Variants in FKBP3 observed in about 807,000 individuals in gnomAD.
The protein encoded by FKBP3 is FKBP prolyl isomerase 3.
Under a neutral mutation model 30.6 loss-of-function variants are expected in FKBP3, and 21 were observed. The ratio of observed to expected loss-of-function variants is 0.69; its 90% CI spans 0.49 to 0.99. The LOEUF is 0.99. Ranked by LOEUF, FKBP3 falls within the 50% of genes least tolerant of loss-of-function variation. FKBP3 has a pLI of 0.00. For synonymous variants in FKBP3, 82 were observed against 91.3 expected, an observed-to-expected ratio of 0.90 and a Z score of 0.58; for missense variants, 283 against 261.6, an observed-to-expected ratio of 1.08 and a Z score of -0.56.
chr14:45,121,383 G>C (rs1884980899), intron 4 of FKBP3, 102 bp downstream of exon 4: 1 of 892,132 alleles, frequency 1.1e-6, no homozygotes, highest in Non-Finnish European at 1.7e-6. Context: ...GATGAAAGTA[G>C]GTGACAGTCA....
At chr14:45,130,615 A>T in intron 2 of FKBP3, 84 bp downstream of exon 2, 1 of 798,364 alleles carries the variant, frequency 1.3e-6, no homozygotes, top group East Asian at 2.7e-5. Flanking sequence ...CAACACATTC[A>T]ACAAATCAAT....
At chr14:45,126,417 G>C (rs1344485661) in intron 3 of FKBP3, among the ~76,000 whole-genome samples, 1 of 151,642 alleles carries the variant, frequency 6.6e-6, no homozygotes, top group Non-Finnish European at 1.5e-5. Context: ...GAACCCGGGA[G>C]GCGGAGGTTG....
At chr14:45,134,251 G>C in intron 1 of FKBP3, 98 bp downstream of exon 1, 3 of 1,010,264 alleles carry the variant, frequency 3.0e-6, no homozygotes, top group South Asian at 3.1e-5. Context: ...GGGAAGACGA[G>C]GGCGGGGGCA....
At position 45,124,372 on chromosome 14, in the gene FKBP3, A is replaced by G. The variant is rs143085444; in HGVS notation, c.319-2752T>C. On this transcript the variant is annotated intron_variant, in intron 3 of 6. Transcript: ENST00000396062. ...ATGGTGAAACCCTCATCTCTACTAA[A>G]AATACAAAAATTAGCTGGGCATGGT... Among the ~76,000 whole-genome samples, 861 of 152,166 alleles carry G rather than the reference A, an allele frequency of 5.7e-3. 5 individuals are homozygous for G. Among genetic ancestry groups the G allele is most frequent in the African/African-American group, 0.018 (755 of 41,512 alleles).
chr14:45,119,920 G>A (rs1020944077), intron 5 of FKBP3, among the ~76,000 whole-genome samples: 15 of 151,830 alleles, frequency 9.9e-5, no homozygotes, highest in African/African-American at 3.1e-4. Context: ...TCTCCTGACC[G>A]ACCTTGTGAT....
chr14:45,123,103 G>C (rs1346149013), intron 3 of FKBP3, among the ~76,000 whole-genome samples: 1 of 150,360 alleles, frequency 6.7e-6, no homozygotes, highest in Non-Finnish European at 1.5e-5. Flanking sequence ...AGAGTCAGGA[G>C]AATCACTTGA....
chr14:45,119,279 T>C (rs763620520), intron 5 of FKBP3, among the ~76,000 whole-genome samples: 11 of 152,146 alleles, frequency 7.2e-5, no homozygotes, highest in Non-Finnish European at 1.6e-4. Flanking sequence ...AATAAGAATA[T>C]GGTAGACTAG....
rs367561930 is a variant in FKBP3, at chr14:45,119,663, T to C, written c.522+1224A>G. 1.4e-4 allele frequency among the ~76,000 whole-genome samples: 21 copies of C among 152,122 alleles called. No individual in the cohort carries two copies. The East Asian group carries it at 3.7e-3, about 27-fold the overall frequency. ...TGGCCCAATTTGATAATATACTTGC[T>C]ATCAACTTGGTACGGGCAGGTAACA... On this transcript the variant is annotated intron_variant, in intron 5 of 6. Transcript: ENST00000396062.
chr14:45,124,555 A>AT (rs962736908), intron 3 of FKBP3, among the ~76,000 whole-genome samples: 9 of 150,074 alleles, frequency 6.0e-5, no homozygotes, highest in East Asian at 1.9e-4. Flanking sequence ...ATATATATAT[A>AT]TTTTTTTTTC....
Position 45,115,867 on chromosome 14 carries a change from A to C in FKBP3, c.*331T>G, listed in dbSNP as rs1302191169. On this transcript the variant is annotated 3_prime_UTR_variant, in exon 7 of 7. Coordinates refer to ENST00000396062, the MANE Select transcript of FKBP3 (RefSeq NM_002013.4). Reference sequence around the variant, plus strand: ...TTAGTTCCAATTCCCTAATCAGAACAATAATATATTAACACCAAACAAATC... The same window carrying C: ...TTAGTTCCAATTCCCTAATCAGAACCATAATATATTAACACCAAACAAATC... The C allele has an allele frequency of 4.8e-6, 1 of 207,956 alleles. No individual in the cohort carries two copies. The highest frequency in any genetic ancestry group is 5.1e-5 in the Admixed American group (1 of 19,526). 12.9% of individuals were successfully genotyped at this position (207,956 alleles called of 1,614,324 possible).
chr14:45,133,224 T>G (rs1885262861), intron 1 of FKBP3: 1 of 158,180 alleles, frequency 6.3e-6, no homozygotes, highest in Non-Finnish European at 1.4e-5. Context: ...TCCCAGCACT[T>G]TGGGAGGCCG....
chr14:45,129,146 C>G (rs1885162616), intron 3 of FKBP3, among the ~76,000 whole-genome samples: 1 of 152,168 alleles, frequency 6.6e-6, no homozygotes, highest in Non-Finnish European at 1.5e-5. Context: ...TTTACAAGAA[C>G]TAAAAATAGA....
rs1884815417 is a variant in FKBP3, at chr14:45,115,650, T to G, written c.*548A>C. ...GGATCAATTAGTAATATTAACCTTATGTTCACCTTTATTAGTGGCTCATTG... is the reference window on the plus strand; with the variant it reads ...GGATCAATTAGTAATATTAACCTTAGGTTCACCTTTATTAGTGGCTCATTG... On this transcript the variant is annotated 3_prime_UTR_variant, in exon 7 of 7. Coordinates refer to ENST00000396062, the MANE Select transcript of FKBP3 (RefSeq NM_002013.4). 1 of 152,614 alleles carries G rather than the reference T, an allele frequency of 6.6e-6. No individual in the cohort carries two copies. Among genetic ancestry groups the G allele is most frequent in the Non-Finnish European group, 1.5e-5 (1 of 68,070 alleles). 9.5% of individuals were successfully genotyped at this position (152,614 alleles called of 1,614,324 possible).
chr14:45,133,463 T>A (rs370933432), intron 1 of FKBP3: 1 of 161,940 alleles, frequency 6.2e-6, no homozygotes, highest in African/African-American at 2.4e-5. Context: ...AGAGACTCCG[T>A]CTCAAACAAA....
At chr14:45,116,470 G>GGC (rs1335090577) in intron 6 of FKBP3, among the ~76,000 whole-genome samples, 2 of 151,876 alleles carry the variant, frequency 1.3e-5, no homozygotes, top group Non-Finnish European at 2.9e-5. Flanking sequence ...CTAGCTGGGG[G>GGC]GGGGTGGAAC....
intron 3 of FKBP3, among the ~76,000 whole-genome samples, chr14:45,123,006 A>G (rs1885017681): frequency 6.6e-6 from 1 of 151,712 alleles, no homozygotes; most frequent in Non-Finnish European, 1.5e-5. Context: ...CAGCCTGGCC[A>G]ACATGGTAAA....
In FKBP3 at chr14:45,129,849, A is replaced by C. The variant is rs772926463; in HGVS notation, c.263T>G (p.Val88Gly). 6.2e-7 allele frequency: 1 copy of C among 1,613,172 alleles called. No homozygotes were observed. Among genetic ancestry groups the C allele is most frequent in the South Asian group, 1.1e-5 (1 of 91,022 alleles). The change falls in exon 3 of 7, where the codon GTG (valine) becomes GGG (glycine). Residue 88 changes from valine to glycine, a missense_variant. Physicochemically the swap from Val to Gly is moderately radical, Grantham distance 109. Transcript: ENST00000396062. The stretch of plus-strand genomic sequence containing the variant: ...TTTGGGTTTATCTTCATTAAGCTTC[A>C]CATTTTTTACTTGCTCAGACACTTT... ...ISKVSEQVKN[V>G]KLNEDKPKET...
chr14:45,132,905 T>C (rs1885253235), intron 1 of FKBP3, among the ~76,000 whole-genome samples: 1 of 152,210 alleles, frequency 6.6e-6, no homozygotes, highest in Non-Finnish European at 1.5e-5. Flanking sequence ...GTTAATGATG[T>C]CTATTCTATT....
intron 1 of FKBP3, among the ~76,000 whole-genome samples, chr14:45,133,087 A>G (rs1288598049): frequency 6.6e-6 from 1 of 152,198 alleles, no homozygotes; most frequent in Non-Finnish European, 1.5e-5. Flanking sequence ...ATGCCAGGAT[A>G]ATAATTAAGG....
Sources: allele counts gnomAD v4.1 joint callset (sites outside exome capture counted in the v4.1 genomes callset), GRCh38; gene constraint gnomAD v4.1.1; transcripts MANE v1.5; gene names NCBI Gene and HGNC (gene_info 2026-07-23, HGNC 2026-07-21).